The following NR1H4 variants were observed in gnomAD, a reference collection of about 807,000 sequenced individuals.
NR1H4 encodes bile acid receptor.
A neutral mutation model predicts 58.5 loss-of-function variants in NR1H4; 23 were observed. That is an observed-to-expected ratio of 0.39 (90% CI 0.28 to 0.56). The LOEUF (loss-of-function observed/expected upper bound fraction) is 0.56, where lower values mean the gene tolerates loss of function less well. NR1H4 is among the 20% of genes least tolerant of loss of function. The probability of loss-of-function intolerance (pLI) is 0.58; values close to 1 mark genes in which losing one functional copy is unlikely to be tolerated. For missense variants in NR1H4, 487 were observed against 576.9 expected, an observed-to-expected ratio of 0.84 and a Z score of 1.60; for synonymous variants, 214 against 198.0, an observed-to-expected ratio of 1.08 and a Z score of -0.68.
At chr12:100,507,008 G>T (rs1953981837) in intron 3 of NR1H4, among the ~76,000 whole-genome samples, 1 of 152,108 alleles carries the variant, frequency 6.6e-6, no homozygotes, top group African/African-American at 2.4e-5. Context: ...GAAAATAATT[G>T]TTTTGTTGAA....
intron 3 of NR1H4, among the ~76,000 whole-genome samples, chr12:100,501,015 T>C (rs576260285): frequency 2.0e-5 from 3 of 152,194 alleles, no homozygotes; most frequent in African/African-American, 7.2e-5. Flanking sequence ...ATGAGACAGT[T>C]GATCATCTCT....
chr12:100,512,484 C>T (rs1479436989), intron 4 of NR1H4, among the ~76,000 whole-genome samples: 1 of 151,598 alleles, frequency 6.6e-6, no homozygotes, highest in East Asian at 1.9e-4. Flanking sequence ...ACTAAAAATA[C>T]AAAAAAATTA....
chr12:100,551,093 T>G (rs76726919), intron 9 of NR1H4, among the ~76,000 whole-genome samples: 1,607 of 152,304 alleles, frequency 0.011, 27 homozygotes, highest in African/African-American at 0.034. Context: ...CACTCACCAA[T>G]TTCTAATATT....
intron 6 of NR1H4, among the ~76,000 whole-genome samples, chr12:100,536,027 T>C (rs1432323429): frequency 6.6e-6 from 1 of 152,230 alleles, no homozygotes; most frequent in Non-Finnish European, 1.5e-5. Flanking sequence ...TAAAACTTTA[T>C]AAAATCCAAT....
At chr12:100,548,699 C>T (rs1955137449) in intron 9 of NR1H4, among the ~76,000 whole-genome samples, 1 of 152,022 alleles carries the variant, frequency 6.6e-6, no homozygotes, top group East Asian at 1.9e-4. Context: ...GGGATAGGTA[C>T]ACTGGCGGTA....
In NR1H4 at chr12:100,501,236, G is replaced by A. The variant is rs78585970; in HGVS notation, c.79+7834G>A. On this transcript the variant is annotated intron_variant, in intron 3 of 10. Transcript: ENST00000392986. ...TGAAATGGAAAATTCTGAATCATTC[G>A]TCTAGCTTCATATCCTTTGGGTAGC... Among the ~76,000 whole-genome samples, 66 of 152,042 alleles carry A rather than the reference G, an allele frequency of 4.3e-4. No individual in the cohort carries two copies. The East Asian group carries it at 0.011, about 26-fold the overall frequency.
At chr12:100,498,840 T>C (rs1166979266) in intron 3 of NR1H4, among the ~76,000 whole-genome samples, 1 of 152,146 alleles carries the variant, frequency 6.6e-6, no homozygotes, top group Non-Finnish European at 1.5e-5. Context: ...ACAATCCCAT[T>C]CACTTATCTT....
intron 3 of NR1H4, among the ~76,000 whole-genome samples, chr12:100,502,662 T>A (rs2136127941): frequency 6.6e-6 from 1 of 152,368 alleles, no homozygotes; most frequent in South Asian, 2.1e-4. Context: ...TTCAACCTAC[T>A]ATGTTTAGAC....
intron 1 of NR1H4, among the ~76,000 whole-genome samples, chr12:100,489,178 G>A (rs1250514279): frequency 6.6e-6 from 1 of 152,202 alleles, no homozygotes; most frequent in East Asian, 1.9e-4. Context: ...AAGAGGTAAA[G>A]AAAATCTGAC....
At chr12:100,484,650 C>G (rs1282452940) in intron 1 of NR1H4, among the ~76,000 whole-genome samples, 1 of 152,166 alleles carries the variant, frequency 6.6e-6, no homozygotes, top group East Asian at 1.9e-4. Flanking sequence ...TACACAAGTT[C>G]CTTCCTTCCC....
At chr12:100,523,951 G>A (rs951038241) in intron 4 of NR1H4, among the ~76,000 whole-genome samples, 3 of 152,004 alleles carry the variant, frequency 2.0e-5, no homozygotes, top group African/African-American at 7.2e-5. Context: ...AAACAGTCAA[G>A]CAAACAAAAA....
chr12:100,487,946 A>C (rs185585125), intron 1 of NR1H4, among the ~76,000 whole-genome samples: 3 of 151,164 alleles, frequency 2.0e-5, no homozygotes, highest in South Asian at 4.2e-4. Flanking sequence ...TGCTTCCTCT[A>C]CTTCATGTGT....
intron 9 of NR1H4, among the ~76,000 whole-genome samples, chr12:100,548,427 C>T (rs553888473): frequency 3.3e-4 from 50 of 151,848 alleles, no homozygotes; most frequent in African/African-American, 1.1e-3. Context: ...AGATGATTTG[C>T]ATCCCCTAAA....
Position 100,490,304 on chromosome 12 carries a change from A to G in NR1H4, c.-189-2199A>G, listed in dbSNP as rs528824579. On this transcript the variant is annotated intron_variant, in intron 1 of 10. Transcript: ENST00000392986. Reference sequence around the variant, plus strand: ...AAAATATTAAAAAACTGTAATGTGCAGTGGAAGTACGGGGGAGCTTGCTGA... The same window carrying G: ...AAAATATTAAAAAACTGTAATGTGCGGTGGAAGTACGGGGGAGCTTGCTGA... 4.6e-5 allele frequency among the ~76,000 whole-genome samples: 7 copies of G among 152,316 alleles called. No individual in the cohort carries two copies. In the South Asian group the frequency reaches 1.0e-3, roughly 23 times the overall value.
At chr12:100,501,457 T>G (rs1391252048) in intron 3 of NR1H4, among the ~76,000 whole-genome samples, 2 of 152,152 alleles carry the variant, frequency 1.3e-5, no homozygotes, top group Non-Finnish European at 2.9e-5. Flanking sequence ...TACCTTAGTT[T>G]TTCCACCACG....
chr12:100,498,674 G>T lies in NR1H4; in HGVS notation c.79+5272G>T, dbSNP rs555369133. On this transcript the variant is annotated intron_variant, in intron 3 of 10. Coordinates refer to ENST00000392986, the MANE Select transcript of NR1H4 (RefSeq NM_001206979.2). ...ACCAAAAAACAAAAACAAACAATAT[G>T]TAAATAAATTTCTGGTTACCTCACC... Among the ~76,000 whole-genome samples, 43 of 151,860 alleles carry T rather than the reference G, an allele frequency of 2.8e-4. No homozygotes were observed. The South Asian group carries it at 5.8e-3, about 21-fold the overall frequency.
chr12:100,500,471 G>A (rs951172363), intron 3 of NR1H4, among the ~76,000 whole-genome samples: 5 of 152,148 alleles, frequency 3.3e-5, no homozygotes, highest in African/African-American at 4.8e-5. Flanking sequence ...GCCACTATTC[G>A]CATGTGGTTA....
At chr12:100,554,132 T>C (rs574978067) in intron 9 of NR1H4, among the ~76,000 whole-genome samples, 10 of 152,308 alleles carry the variant, frequency 6.6e-5, no homozygotes, top group African/African-American at 1.9e-4. Context: ...AGGGAAACTA[T>C]TGGGCTGCTG....
chr12:100,514,946 GATT>G (rs1371512837), intron 4 of NR1H4, among the ~76,000 whole-genome samples: 2 of 151,940 alleles, frequency 1.3e-5, no homozygotes, highest in Non-Finnish European at 2.9e-5. Flanking sequence ...AAGTATATTA[GATT>G]GTATGGTTTT....
Sources: gnomAD v4.1 joint callset for allele counts (sites outside exome capture counted in the v4.1 genomes callset) on GRCh38, gnomAD v4.1.1 for gene constraint, MANE v1.5 for transcripts, NCBI Gene and HGNC (gene_info 2026-07-23, HGNC 2026-07-21) for gene names.